BPTF: variants seen among roughly 807,000 people sequenced by gnomAD.
BPTF encodes the protein bromodomain PHD finger transcription factor.
In BPTF, 18 loss-of-function variants were observed where a neutral mutation model predicts 292.5. That is an observed-to-expected ratio of 0.06 (90% CI 0.04 to 0.09). BPTF has a LOEUF of 0.09. BPTF is among the 10% of genes least tolerant of loss of function. The probability of loss-of-function intolerance (pLI) is 1.00; values close to 1 mark genes in which losing one functional copy is unlikely to be tolerated. For missense variants in BPTF, 2,726 were observed against 3,498.7 expected (o/e 0.78, Z 5.57); for synonymous variants, 1,225 against 1,251.9 (o/e 0.98, Z 0.45).
At chr17:67,832,748 C>T (rs1248322587) in intron 1 of BPTF, among the ~76,000 whole-genome samples, 2 of 151,728 alleles carry the variant, frequency 1.3e-5, no homozygotes, top group African/African-American at 4.8e-5. Flanking sequence ...TCCCTGGCAG[C>T]CACTAATCTA....
chr17:67,922,760 T>A, intron 13 of BPTF, 80 bp from the exon 14 acceptor site: 1 of 1,476,776 alleles, frequency 6.8e-7, no homozygotes, highest in Non-Finnish European at 9.0e-7. Context: ...TGCCAACCAC[T>A]TTTTCATGAT....
At chr17:67,851,715 C>G (rs1486724236) in intron 1 of BPTF, among the ~76,000 whole-genome samples, 1 of 146,770 alleles carries the variant, frequency 6.8e-6, no homozygotes, top group East Asian at 1.9e-4. Context: ...GAACCTTAAA[C>G]TTGACAATCC....
chr17:67,964,725 G>T (rs1312936240), intron 25 of BPTF, among the ~76,000 whole-genome samples: 2 of 152,160 alleles, frequency 1.3e-5, no homozygotes, highest in African/African-American at 4.8e-5. Flanking sequence ...TCTTGGCCGG[G>T]CATGGTGGCT....
intron 1 of BPTF, among the ~76,000 whole-genome samples, chr17:67,841,159 G>C (rs1024975744): frequency 2.0e-5 from 3 of 152,022 alleles, no homozygotes; most frequent in Non-Finnish European, 4.4e-5. Context: ...TGTAATCCCA[G>C]CACTTCGGGA....
At chr17:67,905,549 C>T (rs968801990) in intron 9 of BPTF, among the ~76,000 whole-genome samples, 6 of 151,316 alleles carry the variant, frequency 4.0e-5, no homozygotes, top group African/African-American at 4.9e-5. Flanking sequence ...TCTACAAAAA[C>T]GTTTTAAAAA....
intron 2 of BPTF, among the ~76,000 whole-genome samples, chr17:67,858,561 A>G: frequency 7.1e-6 from 1 of 140,720 alleles, no homozygotes; most frequent in East Asian, 1.9e-4. Flanking sequence ...TCTCCAAAAA[A>G]AAAAAAAAAA....
At chr17:67,959,500 G>A (rs782208866) in intron 23 of BPTF, 41 bp from the exon 24 acceptor site, 1 of 1,443,680 alleles carries the variant, frequency 6.9e-7, no homozygotes, top group Admixed American at 2.6e-5. Flanking sequence ...ACATTTACAT[G>A]ACTCTAATGA....
intron 9 of BPTF, among the ~76,000 whole-genome samples, chr17:67,906,098 T>C (rs1489977424): frequency 1.3e-5 from 2 of 152,090 alleles, no homozygotes; most frequent in Admixed American, 1.3e-4. Flanking sequence ...TTTTTGTTTT[T>C]TTGAAATGGA....
At chr17:67,925,705 C>G (rs138485442) in intron 15 of BPTF, among the ~76,000 whole-genome samples, 1 of 152,060 alleles carries the variant, frequency 6.6e-6, no homozygotes, top group Non-Finnish European at 1.5e-5. Context: ...TTATACATAA[C>G]TATTTAAAAA....
chr17:67,884,147 T>C (rs868285125), intron 4 of BPTF, among the ~76,000 whole-genome samples: 10,018 of 151,086 alleles, frequency 0.066, 1,138 homozygotes, highest in African/African-American at 0.23. Flanking sequence ...TCTTTTTTTT[T>C]TTTTTTTTTT....
intron 19 of BPTF, among the ~76,000 whole-genome samples, chr17:67,942,838 G>T (rs1598813029): frequency 6.6e-6 from 1 of 152,198 alleles, no homozygotes; most frequent in East Asian, 1.9e-4. Context: ...ATATATAATG[G>T]TAAGCTAAAG....
intron 19 of BPTF, among the ~76,000 whole-genome samples, chr17:67,943,162 A>T (rs1158773521): frequency 1.3e-5 from 2 of 152,204 alleles, no homozygotes; most frequent in East Asian, 3.8e-4. Context: ...CTTCTAGGAC[A>T]CTGGCAATGG....
chr17:67,960,971 T>A (rs1249721863), intron 24 of BPTF, among the ~76,000 whole-genome samples: 2 of 152,262 alleles, frequency 1.3e-5, no homozygotes, highest in African/African-American at 4.8e-5. Flanking sequence ...TTGGAAATTA[T>A]ACATAATGTA....
At chr17:67,846,002 T>C (rs1005776249) in intron 1 of BPTF, among the ~76,000 whole-genome samples, 1 of 152,112 alleles carries the variant, frequency 6.6e-6, no homozygotes, top group Non-Finnish European at 1.5e-5. Context: ...GTTCTTAAAC[T>C]TTTTCGAAGC....
intron 2 of BPTF, among the ~76,000 whole-genome samples, chr17:67,862,302 A>G (rs2059133455): frequency 6.6e-6 from 1 of 152,256 alleles, no homozygotes; most frequent in East Asian, 1.9e-4. Context: ...GGTAAATATT[A>G]TACACTTCAT....
chr17:67,941,565 C>T (rs73338725), intron 19 of BPTF, among the ~76,000 whole-genome samples: 2,529 of 152,228 alleles, frequency 0.017, 75 homozygotes, highest in African/African-American at 0.058. Flanking sequence ...AACATGAACC[C>T]CATGTATGTG....
At position 67,949,452 on chromosome 17, in the gene BPTF, G is replaced by T. The variant is rs567462065; in HGVS notation, c.7926+1146G>T. 5.3e-4 allele frequency among the ~76,000 whole-genome samples: 80 copies of T among 151,976 alleles called. 1 individual carries two copies. The highest frequency in any genetic ancestry group is 1.5e-3 in the African/African-American group (62 of 41,442). Reference sequence around the variant, plus strand: ...TAGCTGGGCGTGGTGGCAGGCACCTGTAATCCCAGCTACTTGGGATGCTGA... The same window carrying T: ...TAGCTGGGCGTGGTGGCAGGCACCTTTAATCCCAGCTACTTGGGATGCTGA... On this transcript the variant is annotated intron_variant, in intron 23 of 27. Coordinates refer to ENST00000306378, the MANE Select transcript of BPTF (RefSeq NM_182641.4).
chr17:67,911,796 A>C lies in BPTF; in HGVS notation c.3912A>C (p.Glu1304Asp). The C allele has an allele frequency of 6.2e-7, 1 of 1,614,214 alleles. No homozygotes were observed. Among genetic ancestry groups the C allele is most frequent in the Non-Finnish European group, 8.5e-7 (1 of 1,180,034 alleles). The change falls in exon 11 of 28, where the codon GAA (glutamate) becomes GAC (aspartate). Residue 1304 changes from glutamate to aspartate, a missense_variant. Transcript: ENST00000306378. ...TGTCTATTCAGGATAGCAGTGAAGA[A>C]GATATGATTGTTCAGAATAGCAATG... ...DTVSIQDSSE[E>D]DMIVQNSNES...
In BPTF at chr17:67,854,411, A is replaced by G. The variant is rs914711386; in HGVS notation, c.1085A>G (p.Lys362Arg). 1.2e-6 allele frequency: 2 copies of G among 1,614,118 alleles called. No individual in the cohort carries two copies. Among genetic ancestry groups the G allele is most frequent in the African/African-American group, 1.3e-5 (1 of 74,948 alleles). The change falls in exon 2 of 28, where the codon AAA becomes AGA. Residue 362 changes from lysine to arginine, a missense_variant. By Grantham distance (26) the Lys-to-Arg change is conservative. Transcript: ENST00000306378. This position sits in a 1 kb window ranked among gnomAD's most constrained non-coding sequence, Gnocchi z 5.6. Reference sequence around the variant, plus strand: ...TATGGACCAGTAGAGAACAAGATCAAAGTTCTACAGTTTCTAGTCGATCAG... The same window carrying G: ...TATGGACCAGTAGAGAACAAGATCAGAGTTCTACAGTTTCTAGTCGATCAG... The part of the protein sequence containing the change: ...YPYGPVENKI[K>R]VLQFLVDQFL...
Sources: allele counts gnomAD v4.1 joint callset (sites outside exome capture counted in the v4.1 genomes callset), GRCh38; gene constraint gnomAD v4.1.1; non-coding constraint Gnocchi (gnomAD v3.1); transcripts MANE v1.5; gene names NCBI Gene and HGNC (gene_info 2026-07-23, HGNC 2026-07-21).